The following POTEJ variants were observed in gnomAD, a reference collection of about 807,000 sequenced individuals.
The protein encoded by POTEJ is POTE ankyrin domain family member J.
POTEJ carries 11 observed loss-of-function variants against 69.0 expected under a neutral mutation model. The observed-to-expected ratio is 0.16, with a 90% CI of 0.10 to 0.26. The LOEUF (loss-of-function observed/expected upper bound fraction) is 0.26. Ranked by LOEUF, POTEJ falls within the 10% of genes least tolerant of loss-of-function variation. The pLI, the probability that POTEJ is intolerant of heterozygous loss-of-function variation, is 1.00. For missense variants in POTEJ, 327 were observed against 1,045.5 expected (o/e 0.31, Z 9.48); for synonymous variants, 117 against 381.1 (o/e 0.31, Z 8.07).
chr2:130,639,973 T>C lies in POTEJ; in HGVS notation c.1369+1284T>C, dbSNP rs537069746. 8.1e-3 allele frequency among the ~76,000 whole-genome samples: 1,226 copies of C among 150,972 alleles called. 1 individual carries two copies. Among genetic ancestry groups the C allele is most frequent in the African/African-American group, 0.029 (1,167 of 40,272 alleles). On this transcript the variant is annotated intron_variant, in intron 10 of 14. Transcript: ENST00000409602. ...TTATTTTGCTGCTTTATTCAGTGCT[T>C]ACTGTGTGCTAGATGCCCACTGGAA...
At chr2:130,627,037 A>G (rs1365491760) in intron 6 of POTEJ, among the ~76,000 whole-genome samples, 1 of 152,158 alleles carries the variant, frequency 6.6e-6, no homozygotes, top group Non-Finnish European at 1.5e-5. Flanking sequence ...GCCTTGGGGG[A>G]CAGAGAGAAA....
At chr2:130,624,622 CTG>C (rs1229957378) in intron 6 of POTEJ, among the ~76,000 whole-genome samples, 1 of 152,038 alleles carries the variant, frequency 6.6e-6, no homozygotes, top group Non-Finnish European at 1.5e-5. Context: ...TCACCTCCTC[CTG>C]TGTGGTGTGG....
chr2:130,633,553 T>C (rs1317401674), intron 9 of POTEJ, among the ~76,000 whole-genome samples: 11 of 134,438 alleles, frequency 8.2e-5, no homozygotes, highest in African/African-American at 2.9e-4. Context: ...TATTTCACAA[T>C]TAAAGTGTAT....
At chr2:130,623,989 A>C in intron 5 of POTEJ, 75 bp from the exon 6 acceptor site, 3 of 1,435,710 alleles carry the variant, frequency 2.1e-6, no homozygotes, top group Non-Finnish European at 2.8e-6. Context: ...AAATACTCTT[A>C]ATAATTCTGC....
At position 130,657,511 on chromosome 2, in the gene POTEJ, G is replaced by T. The variant is rs769311039; in HGVS notation, c.2751G>T (p.Trp917Cys). The T allele has an allele frequency of 8.9e-5, 140 of 1,569,288 alleles. 20 individuals carry two copies. Among genetic ancestry groups the T allele is most frequent in the Non-Finnish European group, 1.2e-4 (136 of 1,149,414 alleles). ...AGGTCATCACCATCAGCAACGAGTG[G>T]TTCCGCTGCCCCGAGGCGCTCTTCC... Reference protein sequence around the residue: ...DGQVITISNEWFRCPEALFQP... With the variant: ...DGQVITISNECFRCPEALFQP... The change falls in exon 15 of 15, where the codon TGG becomes TGT. Residue 917 changes from tryptophan to cysteine, a missense_variant. Physicochemically the swap from Trp to Cys is radical, Grantham distance 215. Coordinates refer to ENST00000409602, the MANE Select transcript of POTEJ (RefSeq NM_001277083.2).
intron 13 of POTEJ, among the ~76,000 whole-genome samples, chr2:130,649,382 C>T (rs1467846573): frequency 2.0e-5 from 3 of 152,260 alleles, no homozygotes; most frequent in Non-Finnish European, 2.9e-5. Context: ...TGTCCTGACA[C>T]TTCACATCTA....
chr2:130,618,584 A>G (rs1449439197), intron 3 of POTEJ, among the ~76,000 whole-genome samples: 1 of 147,270 alleles, frequency 6.8e-6, no homozygotes, highest in Non-Finnish European at 1.5e-5. Context: ...AACAACAACA[A>G]CAACAACAAC....
Position 130,656,801 on chromosome 2 carries a change from A to C in POTEJ, c.2041A>C (p.Lys681Gln). The C allele has an allele frequency of 3.1e-6, 5 of 1,609,754 alleles. No homozygotes were observed. Among genetic ancestry groups the C allele is most frequent in the South Asian group, 2.2e-5 (2 of 91,014 alleles). The part of the protein sequence containing the change: ...LVIDNGSGMC[K>Q]AGFAGDDAPR... ...CATTGACAACGGCTCTGGCATGTGCAAGGCCGGCTTTGCGGGCGACGATGC... is the reference window on the plus strand; with the variant it reads ...CATTGACAACGGCTCTGGCATGTGCCAGGCCGGCTTTGCGGGCGACGATGC... Residue 681 changes from lysine (K) to glutamine (Q), a missense_variant, in exon 15 of 15, where the codon AAG becomes CAG. Coordinates refer to ENST00000409602, the MANE Select transcript of POTEJ (RefSeq NM_001277083.2).
At chr2:130,641,827 A>G (rs1329744940) in intron 10 of POTEJ, among the ~76,000 whole-genome samples, 1 of 152,222 alleles carries the variant, frequency 6.6e-6, no homozygotes. Context: ...AAGACTTGTC[A>G]AAGATCCAAG....
chr2:130,640,445 A>C (rs1237755027), intron 10 of POTEJ, among the ~76,000 whole-genome samples: 9 of 150,288 alleles, frequency 6.0e-5, no homozygotes, highest in African/African-American at 2.2e-4. Context: ...TGGACTGCAA[A>C]TACTAGATGA....
chr2:130,642,182 G>A (rs1686407325), intron 10 of POTEJ, among the ~76,000 whole-genome samples: 1 of 145,272 alleles, frequency 6.9e-6, no homozygotes, highest in South Asian at 2.2e-4. Context: ...AGGACATAAT[G>A]AAAAGAAGTA....
chr2:130,648,782 T>A (rs1686688380), intron 13 of POTEJ, among the ~76,000 whole-genome samples: 1 of 52,952 alleles, frequency 1.9e-5, no homozygotes, highest in South Asian at 6.3e-4. Flanking sequence ...TTTCTCATAG[T>A]TTTTTTTTTT....
intron 6 of POTEJ, among the ~76,000 whole-genome samples, chr2:130,627,080 A>G (rs1685738176): frequency 6.6e-6 from 1 of 152,112 alleles, no homozygotes; most frequent in Non-Finnish European, 1.5e-5. Flanking sequence ...CAGGTTGTAC[A>G]GTAGTATTTA....
At position 130,613,417 on chromosome 2, in the gene POTEJ, T is replaced by G. The variant is rs1318825627; in HGVS notation, c.410+1475T>G. On this transcript the variant is annotated intron_variant, in intron 1 of 14. Transcript: ENST00000409602. ...ATATATATATATATATATACTTTTT[T>G]TTTTGGTGGAGTCTCACTCTGTAGC... 2.1e-5 allele frequency among the ~76,000 whole-genome samples: 3 copies of G among 144,478 alleles called. No homozygotes were observed. The East Asian group carries it at 5.9e-4, about 29-fold the overall frequency. The allele number at this position is 144,478 out of a possible 152,430, so 94.8% of individuals were successfully genotyped here.
At chr2:130,629,018 CAAAA>C (rs1192762341) in intron 6 of POTEJ, among the ~76,000 whole-genome samples, 1 of 124,546 alleles carries the variant, frequency 8.0e-6, no homozygotes, top group Non-Finnish European at 1.7e-5. Context: ...GACCCTGGCT[CAAAA>C]AAAAAAAAGA....
chr2:130,613,410 AC>A (rs1685314833), intron 1 of POTEJ, among the ~76,000 whole-genome samples: 3 of 141,008 alleles, frequency 2.1e-5, no homozygotes, highest in African/African-American at 5.5e-5. Context: ...ATATATATAT[AC>A]TTTTTTTTTT....
At chr2:130,656,499 G>A (rs1349905216) in intron 14 of POTEJ, 50 bp from the exon 15 acceptor site, 4 of 1,567,582 alleles carry the variant, frequency 2.6e-6, no homozygotes, top group South Asian at 1.1e-5. Context: ...AAGAAATCAT[G>A]TTATGTCAAT....
In POTEJ at chr2:130,650,172, A is replaced by G. The variant is rs1348345242; in HGVS notation, c.1667+3862A>G. Among the ~76,000 whole-genome samples the G allele has an allele frequency of 3.9e-5, 6 of 152,374 alleles. No individual in the cohort carries two copies. In the South Asian group the frequency reaches 6.2e-4, roughly 16 times the overall value. Reference sequence around the variant, plus strand: ...ATTTATCATCTCTAACTTCAAACCTATTTGTGTCTTGACATCAACTCTGTT... The same window carrying G: ...ATTTATCATCTCTAACTTCAAACCTGTTTGTGTCTTGACATCAACTCTGTT... On this transcript the variant is annotated intron_variant, in intron 13 of 14. Coordinates refer to ENST00000409602, the MANE Select transcript of POTEJ (RefSeq NM_001277083.2).
chr2:130,613,337 C>CGT (rs1294329192), intron 1 of POTEJ, among the ~76,000 whole-genome samples: 8 of 68,524 alleles, frequency 1.2e-4, no homozygotes, highest in African/African-American at 9.5e-5. Flanking sequence ...TGTATATATA[C>CGT]ATATATATGT....
Sources: gnomAD v4.1 joint callset for allele counts (sites outside exome capture counted in the v4.1 genomes callset) on GRCh38, gnomAD v4.1.1 for gene constraint, MANE v1.5 for transcripts, NCBI Gene and HGNC (gene_info 2026-07-23, HGNC 2026-07-21) for gene names.